Variants in NRG1 observed in about 807,000 individuals in gnomAD.
The protein encoded by NRG1 is neuregulin 1, also known as pro-neuregulin-1, membrane-bound isoform.
Under a neutral mutation model 63.8 loss-of-function variants are expected in NRG1, and 18 were observed. That is an observed-to-expected ratio of 0.28 (90% CI 0.19 to 0.42). The LOEUF (loss-of-function observed/expected upper bound fraction) is 0.42, where lower values mean the gene tolerates loss of function less well. NRG1 is among the 10% of genes least tolerant of loss of function. The probability of loss-of-function intolerance (pLI) is 1.00; values close to 1 mark genes in which losing one functional copy is unlikely to be tolerated. For synonymous variants in NRG1, 302 were observed against 301.3 expected (o/e 1.00, Z -0.02); for missense variants, 762 against 814.7 (o/e 0.94, Z 0.79).
At chr8:31,928,173 G>C (rs528798129) in intron 1 of NRG1, among the ~76,000 whole-genome samples, 2 of 151,618 alleles carry the variant, frequency 1.3e-5, no homozygotes, top group Admixed American at 6.6e-5. Flanking sequence ...CCAATGAAGA[G>C]GAATATCTGT....
At chr8:32,540,282 C>A (rs896964895) in intron 1 of NRG1, among the ~76,000 whole-genome samples, 4 of 152,028 alleles carry the variant, frequency 2.6e-5, no homozygotes, top group South Asian at 2.1e-4. Context: ...ATATTAAATT[C>A]TTTACATTGT....
At chr8:32,282,402 C>G (rs1852971524) in intron 1 of NRG1, among the ~76,000 whole-genome samples, 1 of 152,250 alleles carries the variant, frequency 6.6e-6, no homozygotes, top group Non-Finnish European at 1.5e-5. Flanking sequence ...GGTGTATGCA[C>G]CCTTCATTAG....
intron 1 of NRG1, among the ~76,000 whole-genome samples, chr8:31,961,844 C>A (rs1805510766): frequency 6.6e-6 from 1 of 152,162 alleles, no homozygotes; most frequent in East Asian, 1.9e-4. Context: ...AATGACCCAT[C>A]TGACACATAT....
At chr8:32,575,071 T>C (rs553262903) in intron 1 of NRG1, among the ~76,000 whole-genome samples, 33 of 152,172 alleles carry the variant, frequency 2.2e-4, no homozygotes, top group Non-Finnish European at 4.0e-4. Context: ...GAACAGCAGA[T>C]CATAAATCCC....
At chr8:32,467,824 C>T (rs571864969) in intron 1 of NRG1, among the ~76,000 whole-genome samples, 1 of 152,154 alleles carries the variant, frequency 6.6e-6, no homozygotes, top group Admixed American at 6.5e-5. Flanking sequence ...GATTTTATAG[C>T]CTGGCTCCTT....
intron 1 of NRG1, among the ~76,000 whole-genome samples, chr8:31,668,414 G>A (rs1005495095): frequency 6.6e-6 from 1 of 152,122 alleles, no homozygotes; most frequent in African/African-American, 2.4e-5. Context: ...TTCCAGGATG[G>A]GTAGTAACAG....
At chr8:32,545,609 T>C (rs12707707), upstream of NRG1, among the ~76,000 whole-genome samples, 6,150 of 152,092 alleles carry the variant, frequency 0.04, 437 homozygotes, top group African/African-American at 0.14. Flanking sequence ...TTAAGGACAA[T>C]ATCAAATTCT....
At chr8:31,753,708 A>G (rs1464118336) in intron 1 of NRG1, among the ~76,000 whole-genome samples, 1 of 152,096 alleles carries the variant, frequency 6.6e-6, no homozygotes, top group African/African-American at 2.4e-5. Context: ...ACTAAAAACT[A>G]GTCCATCTCT....
At chr8:31,750,463 C>T (rs993763733) in intron 1 of NRG1, among the ~76,000 whole-genome samples, 1 of 151,896 alleles carries the variant, frequency 6.6e-6, no homozygotes, top group Non-Finnish European at 1.5e-5. Context: ...AATTTCCTGT[C>T]CAAGGTGGTG....
At chr8:31,918,280 A>G (rs1282897394) in intron 1 of NRG1, among the ~76,000 whole-genome samples, 1 of 152,194 alleles carries the variant, frequency 6.6e-6, no homozygotes, top group East Asian at 1.9e-4. Flanking sequence ...GTCTTGTGCA[A>G]GTTTTCAAAG....
intron 1 of NRG1, among the ~76,000 whole-genome samples, chr8:32,092,793 C>T (rs1278159052): frequency 6.6e-6 from 1 of 152,138 alleles, no homozygotes; most frequent in Non-Finnish European, 1.5e-5. Context: ...CCAATGCCAC[C>T]TGTCCCAGTG....
At chr8:32,083,242 CAG>C in intron 1 of NRG1, among the ~76,000 whole-genome samples, 1 of 152,270 alleles carries the variant, frequency 6.6e-6, no homozygotes, top group East Asian at 1.9e-4. Context: ...GGTTAGGAAA[CAG>C]AAAATTCCTG....
intron 1 of NRG1, among the ~76,000 whole-genome samples, chr8:32,090,666 T>C (rs1228003624): frequency 2.6e-5 from 4 of 152,184 alleles, no homozygotes; most frequent in African/African-American, 7.2e-5. Flanking sequence ...ATCAGAGACA[T>C]TAAAACTTCA....
intron 7 of NRG1, among the ~76,000 whole-genome samples, chr8:32,746,182 G>A (rs1028929791): frequency 5.3e-5 from 3 of 56,986 alleles, no homozygotes; most frequent in African/African-American, 1.1e-4. Flanking sequence ...GAAAGTCTCC[G>A]TTAACATTTC....
chr8:32,355,845 G>A (rs1393867839), intron 1 of NRG1, among the ~76,000 whole-genome samples: 1 of 152,082 alleles, frequency 6.6e-6, no homozygotes, highest in Non-Finnish European at 1.5e-5. Context: ...CATAATCTAG[G>A]GAGTAGAAAA....
At chr8:31,718,076 A>G (rs539707100) in intron 1 of NRG1, among the ~76,000 whole-genome samples, 10 of 152,276 alleles carry the variant, frequency 6.6e-5, no homozygotes, top group African/African-American at 2.4e-4. Flanking sequence ...GACTGTTCCC[A>G]TTTTTTAACC....
intron 1 of NRG1, among the ~76,000 whole-genome samples, chr8:31,895,603 T>G (rs951721743): frequency 6.6e-6 from 1 of 152,226 alleles, no homozygotes; most frequent in Middle Eastern, 3.2e-3. Flanking sequence ...TACTTTTACC[T>G]TTAGTGCAGT....
intron 1 of NRG1, among the ~76,000 whole-genome samples, chr8:32,392,451 A>G (rs563192476): frequency 7.1e-4 from 108 of 152,366 alleles, no homozygotes; most frequent in African/African-American, 2.5e-3. Context: ...CATTTGGCAA[A>G]TCTACATGTT....
chr8:32,695,860 GA>G (rs1813171401), intron 5 of NRG1, among the ~76,000 whole-genome samples: 1 of 152,136 alleles, frequency 6.6e-6, no homozygotes, highest in Non-Finnish European at 1.5e-5. Flanking sequence ...TCCAAATAAG[GA>G]TATGATATAA....
Sources: gnomAD v4.1 joint callset for allele counts (sites outside exome capture counted in the v4.1 genomes callset) on GRCh38, gnomAD v4.1.1 for gene constraint, MANE v1.5 for transcripts, NCBI Gene and HGNC (gene_info 2026-07-23, HGNC 2026-07-21) for gene names.